ZNF540: variants seen among roughly 807,000 people sequenced by gnomAD.
The protein encoded by ZNF540 is zinc finger protein 540.
Under a neutral mutation model 11.8 loss-of-function variants are expected in ZNF540, and 3 were observed. The observed-to-expected ratio is 0.25, with a 90% CI of 0.12 to 0.65. The LOEUF (loss-of-function observed/expected upper bound fraction) is 0.65, where lower values mean the gene tolerates loss of function less well. Ranked by LOEUF, ZNF540 falls within the 30% of genes least tolerant of loss-of-function variation. The probability of loss-of-function intolerance (pLI) is 0.83; values close to 1 mark genes in which losing one functional copy is unlikely to be tolerated. For missense variants in ZNF540, 709 were observed against 793.1 expected, an observed-to-expected ratio of 0.89 and a Z score of 1.27; for synonymous variants, 247 against 259.0, an observed-to-expected ratio of 0.95 and a Z score of 0.45.
chr19:37,577,180 T>A (rs1467611178), intron 1 of ZNF540, among the ~76,000 whole-genome samples: 1 of 152,152 alleles, frequency 6.6e-6, no homozygotes, highest in Non-Finnish European at 1.5e-5. Flanking sequence ...AATAGGGCCA[T>A]GAAGTACGCA....
rs2044057035 is a variant in ZNF540 at position 37,603,529 on chromosome 19, G to A, written c.232+2424G>A. On this transcript the variant is annotated intron_variant, in intron 4 of 4. Transcript: ENST00000316433. ...TCATTTTTATTAGAGGAATAAGGGA[G>A]ATCATCAGCTAAGAATTGGCAGGAG... is the stretch of plus-strand genomic sequence containing the variant. Among the ~76,000 whole-genome samples the A allele has an allele frequency of 3.3e-5, 5 of 152,288 alleles. No homozygotes were observed. In the South Asian group the frequency reaches 1.0e-3, roughly 32 times the overall value.
chr19:37,590,750 TATATC>T (rs1435201484), upstream of ZNF540, among the ~76,000 whole-genome samples: 1 of 152,150 alleles, frequency 6.6e-6, no homozygotes, highest in Non-Finnish European at 1.5e-5. Context: ...AGTGTAATAT[TATATC>T]AAAATAAAAA....
chr19:37,602,632 G>T (rs1175112704), intron 4 of ZNF540, among the ~76,000 whole-genome samples: 1 of 152,142 alleles, frequency 6.6e-6, no homozygotes, highest in African/African-American at 2.4e-5. Context: ...AGAGACTGAG[G>T]CCCAGGGCAC....
chr19:37,552,404 GTATCT>G (rs930879565), intron 1 of ZNF540, among the ~76,000 whole-genome samples: 1 of 152,100 alleles, frequency 6.6e-6, no homozygotes. Flanking sequence ...CACCGTTCAG[GTATCT>G]TATATCTTTA....
chr19:37,583,890 G>A (rs1321009862), intron 1 of ZNF540: 2 of 1,434,050 alleles, frequency 1.4e-6, no homozygotes, highest in East Asian at 4.7e-5. Context: ...CTTTCCTTAG[G>A]GAATGGAGAT....
chr19:37,575,570 C>A (rs1239238405), intron 1 of ZNF540: 1 of 152,220 alleles, frequency 6.6e-6, no homozygotes, highest in Non-Finnish European at 1.5e-5. Context: ...TGTCCCACTT[C>A]TCGTTCTGGG....
intron 1 of ZNF540, among the ~76,000 whole-genome samples, chr19:37,558,040 G>A (rs146381946): frequency 0.026 from 3,959 of 152,142 alleles, 182 homozygotes; most frequent in African/African-American, 0.089. Flanking sequence ...CAGGTGAAAC[G>A]GCTTTGAGAT....
intron 1 of ZNF540, among the ~76,000 whole-genome samples, chr19:37,571,744 G>C (rs914870255): frequency 6.6e-6 from 1 of 152,116 alleles, no homozygotes; most frequent in African/African-American, 2.4e-5. Flanking sequence ...CTACTAGCTC[G>C]CAGACTACAG....
chr19:37,568,395 T>C (rs1305011213), intron 1 of ZNF540, among the ~76,000 whole-genome samples: 1 of 149,582 alleles, frequency 6.7e-6, no homozygotes, highest in Non-Finnish European at 1.5e-5. Flanking sequence ...TAGAACAAGA[T>C]AGACCCTGCT....
chr19:37,613,336 T>A lies in ZNF540; in HGVS notation c.*73T>A. On this transcript the variant is annotated 3_prime_UTR_variant, in exon 5 of 5. Transcript: ENST00000316433. Reference sequence around the variant, plus strand: ...TATTTATGGCCAGAAGTTCTGTCAATGTGTTGATGTTTTTTTACACATATT... The same window carrying A: ...TATTTATGGCCAGAAGTTCTGTCAAAGTGTTGATGTTTTTTTACACATATT... 2.7e-6 allele frequency: 3 copies of A among 1,116,500 alleles called. No individual in the cohort carries two copies. Among genetic ancestry groups the A allele is most frequent in the Non-Finnish European group, 3.6e-6 (3 of 825,384 alleles). The allele number at this position is 1,116,500 out of a possible 1,614,324, so 69.2% of individuals were successfully genotyped here.
In ZNF540 at chr19:37,595,113, C is replaced by T. The variant is rs994592746; in HGVS notation, c.-73+18C>T. On this transcript the variant is annotated intron_variant, in intron 1 of 4. Coordinates refer to ENST00000316433, the MANE Select transcript of ZNF540 (RefSeq NM_001172225.3). Reference sequence around the variant, plus strand: ...GCTGTCAGGTAAGGTCTGGATTTCTCTCTGACAGCTCTGGCCGTGACGCAG... The same window carrying T: ...GCTGTCAGGTAAGGTCTGGATTTCTTTCTGACAGCTCTGGCCGTGACGCAG... The T allele has an allele frequency of 2.0e-5, 3 of 152,168 alleles. No individual in the cohort carries two copies. Among genetic ancestry groups the T allele is most frequent in the African/African-American group, 4.8e-5 (2 of 41,438 alleles). 9.4% of individuals were successfully genotyped at this position (152,168 alleles called of 1,614,324 possible).
intron 1 of ZNF540, among the ~76,000 whole-genome samples, chr19:37,597,962 G>A (rs577995946): frequency 2.6e-5 from 4 of 152,316 alleles, no homozygotes; most frequent in South Asian, 4.1e-4. Flanking sequence ...TCTATCTTTC[G>A]TTTTTAAGTC....
chr19:37,582,548 A>G (rs79715370), intron 1 of ZNF540, among the ~76,000 whole-genome samples: 3,959 of 152,294 alleles, frequency 0.026, 183 homozygotes, highest in African/African-American at 0.089. Flanking sequence ...GTTCCTCGGT[A>G]CAGAGAGTAA....
chr19:37,589,200 C>CAAAAAAA (rs35689698), intron 1 of ZNF540, among the ~76,000 whole-genome samples: 1 of 108,902 alleles, frequency 9.2e-6, no homozygotes. Context: ...AACTCCGTCT[C>CAAAAAAA]AAAAAAAAAA....
intron 1 of ZNF540, among the ~76,000 whole-genome samples, chr19:37,597,920 C>G (rs1312639985): frequency 6.6e-6 from 1 of 152,246 alleles, no homozygotes; most frequent in Non-Finnish European, 1.5e-5. Flanking sequence ...AGATTTGGCC[C>G]ATGGGCCATA....
intron 4 of ZNF540, among the ~76,000 whole-genome samples, chr19:37,605,474 C>G (rs939372539): frequency 1.3e-5 from 2 of 152,060 alleles, no homozygotes; most frequent in African/African-American, 4.8e-5. Context: ...ATGGTGAAAC[C>G]CCGTCTCTAC....
upstream of ZNF540, among the ~76,000 whole-genome samples, chr19:37,590,395 G>C (rs934836047): frequency 8.6e-5 from 13 of 151,912 alleles, no homozygotes; most frequent in African/African-American, 3.1e-4. Flanking sequence ...CCAGCCTGGG[G>C]GACAGAGTGA....
At chr19:37,579,826 T>C (rs1325613648) in intron 1 of ZNF540, among the ~76,000 whole-genome samples, 3 of 152,218 alleles carry the variant, frequency 2.0e-5, no homozygotes, top group African/African-American at 7.2e-5. Flanking sequence ...AACCTTAATA[T>C]ACTTTTTTTG....
At chr19:37,585,086 T>C (rs1758729565) in intron 1 of ZNF540, 1 of 152,190 alleles carries the variant, frequency 6.6e-6, no homozygotes, top group Non-Finnish European at 1.5e-5. Context: ...GTTCCTAGGC[T>C]ATAGCAAGGT....
Sources: allele counts gnomAD v4.1 joint callset (sites outside exome capture counted in the v4.1 genomes callset), GRCh38; gene constraint gnomAD v4.1.1; transcripts MANE v1.5; gene names NCBI Gene and HGNC (gene_info 2026-07-23, HGNC 2026-07-21).